The following IQGAP2 variants were observed in gnomAD, a reference collection of about 807,000 sequenced individuals.
The protein encoded by IQGAP2 is IQ motif containing GTPase activating protein 2, also known as ras GTPase-activating-like protein IQGAP2.
IQGAP2 carries 173 observed loss-of-function variants against 201.3 expected under a neutral mutation model. That is an observed-to-expected ratio of 0.86 (90% CI 0.76 to 0.98). The LOEUF is 0.98. Among genes scored for constraint, IQGAP2 ranks in the 50% least tolerant of loss-of-function variants. The probability of loss-of-function intolerance (pLI) is 0.00; values close to 1 mark genes in which losing one functional copy is unlikely to be tolerated. For missense variants in IQGAP2, 1,687 were observed against 1,864.8 expected (o/e 0.90, Z 1.76); for synonymous variants, 675 against 673.9 (o/e 1.00, Z -0.03).
At chr5:76,682,520 C>T (rs1167027330) in intron 28 of IQGAP2, among the ~76,000 whole-genome samples, 1 of 151,926 alleles carries the variant, frequency 6.6e-6, no homozygotes, top group Non-Finnish European at 1.5e-5. Flanking sequence ...GCTGCTACCC[C>T]TCAGGAGTTA....
intron 1 of IQGAP2, among the ~76,000 whole-genome samples, chr5:76,447,996 T>C (rs1452956947): frequency 6.6e-6 from 1 of 152,172 alleles, no homozygotes; most frequent in Non-Finnish European, 1.5e-5. Context: ...GGGTTTTCTA[T>C]GAAAAAGCTT....
intron 2 of IQGAP2, among the ~76,000 whole-genome samples, chr5:76,509,084 C>T (rs985872077): frequency 6.0e-5 from 9 of 150,702 alleles, no homozygotes; most frequent in South Asian, 4.2e-4. Context: ...TGCATGCTTG[C>T]GTGTGTGTGT....
chr5:76,679,456 G>A (rs1156391418), intron 28 of IQGAP2, among the ~76,000 whole-genome samples: 4 of 152,184 alleles, frequency 2.6e-5, no homozygotes, highest in Non-Finnish European at 5.9e-5. Flanking sequence ...CTTCTGTGTG[G>A]AGGCGTCCGT....
In IQGAP2 at chr5:76,549,025, C is replaced by CAAAT. The variant is rs139907225; in HGVS notation, c.147-13370_147-13369insAATA. On this transcript the variant is annotated intron_variant, in intron 2 of 35. Coordinates refer to ENST00000274364, the MANE Select transcript of IQGAP2 (RefSeq NM_006633.5). ...GCGCAAGGAAGTCTGTATGGCTAAA[C>CAAAT]AGTGCTGAACTAAACAAATACTGCT... Among the ~76,000 whole-genome samples, 840 of 152,208 alleles carry CAAAT rather than the reference C, an allele frequency of 5.5e-3. 7 individuals carry two copies. Among genetic ancestry groups the CAAAT allele is most frequent in the East Asian group, 0.018 (93 of 5,182 alleles).
At chr5:76,706,425 G>A (rs1386401642) in intron 35 of IQGAP2, among the ~76,000 whole-genome samples, 3 of 152,076 alleles carry the variant, frequency 2.0e-5, no homozygotes, top group Non-Finnish European at 4.4e-5. Flanking sequence ...TCGGCTCGCT[G>A]CAATCTCTGC....
intron 2 of IQGAP2, among the ~76,000 whole-genome samples, chr5:76,524,626 A>C (rs1186726347): frequency 6.6e-6 from 1 of 152,222 alleles, no homozygotes; most frequent in Non-Finnish European, 1.5e-5. Flanking sequence ...AAAAAACATA[A>C]GAGTTGAACA....
At chr5:76,477,566 G>A (rs1474086964) in intron 2 of IQGAP2, among the ~76,000 whole-genome samples, 1 of 152,162 alleles carries the variant, frequency 6.6e-6, no homozygotes, top group African/African-American at 2.4e-5. Context: ...AATGTGTACA[G>A]TACATAATAC....
intron 1 of IQGAP2, among the ~76,000 whole-genome samples, chr5:76,455,276 C>T (rs1455189614): frequency 3.3e-5 from 5 of 151,768 alleles, no homozygotes; most frequent in Non-Finnish European, 7.4e-5. Context: ...TGGTGAAACC[C>T]TGTCTCTACT....
At chr5:76,436,817 C>T (rs558231012) in intron 1 of IQGAP2, among the ~76,000 whole-genome samples, 18 of 151,516 alleles carry the variant, frequency 1.2e-4, no homozygotes, top group Non-Finnish European at 2.1e-4. Flanking sequence ...CATGAGCCAC[C>T]GTGCCTGGCC....
chr5:76,507,413 TAG>T (rs1757668324), intron 2 of IQGAP2, among the ~76,000 whole-genome samples: 3 of 119,168 alleles, frequency 2.5e-5, no homozygotes, highest in African/African-American at 9.8e-5. Flanking sequence ...CTAAAACTCC[TAG>T]ATATTTATTG....
chr5:76,496,754 TTTCTTTCTTTCTTTC>T (rs1561416451), intron 2 of IQGAP2, among the ~76,000 whole-genome samples: 7 of 68,724 alleles, frequency 1.0e-4, no homozygotes, highest in African/African-American at 4.8e-4. Context: ...TCTTTCTTTC[TTTCTTTCTTTCTTTC>T]TTTCTTTCTT....
chr5:76,511,160 C>T (rs1251681710), intron 2 of IQGAP2, among the ~76,000 whole-genome samples: 3 of 152,124 alleles, frequency 2.0e-5, no homozygotes, highest in East Asian at 1.9e-4. Context: ...ACCTTGGTTG[C>T]GATGGTTTAA....
At chr5:76,475,954 C>G (rs569968239) in intron 2 of IQGAP2, among the ~76,000 whole-genome samples, 1 of 151,864 alleles carries the variant, frequency 6.6e-6, no homozygotes, top group Non-Finnish European at 1.5e-5. Context: ...CCCATCTGGC[C>G]GAGGAGCCTA....
rs1482744202 is a variant in IQGAP2 at position 76,641,024 on chromosome 5, C to G, written c.2015C>G (p.Ser672Ter). Residue 672 changes from serine to a stop codon, truncating the protein, a stop_gained, in exon 17 of 36, where the codon TCA (serine) becomes TGA (stop). Coordinates refer to ENST00000274364, the MANE Select transcript of IQGAP2 (RefSeq NM_006633.5). LOFTEE classifies it high-confidence loss of function. ...CTTCTTCGCTTTCAAGCCACAAGCTCAGGACCCATCCTTAGGGAAGAGTTT... is the reference window on the plus strand; with the variant it reads ...CTTCTTCGCTTTCAAGCCACAAGCTGAGGACCCATCCTTAGGGAAGAGTTT... ...ELLLRFQATS[S>*]GPILREEFEA... 1 of 1,611,676 alleles carries G rather than the reference C, an allele frequency of 6.2e-7. No individual in the cohort carries two copies. Among genetic ancestry groups the G allele is most frequent in the Non-Finnish European group, 8.5e-7 (1 of 1,178,014 alleles).
chr5:76,496,730 TTTCTTTCTTTCTTTCTTTC>T (rs1756942941), intron 2 of IQGAP2, among the ~76,000 whole-genome samples: 556 of 48,542 alleles, frequency 0.011, 23 homozygotes, highest in Admixed American at 0.017. Context: ...CTTTCTTTTC[TTTCTTTCTTTCTTTCTTTC>T]TTTCTTTCTT....
chr5:76,494,755 A>C (rs1756782170), intron 2 of IQGAP2, among the ~76,000 whole-genome samples: 2 of 152,122 alleles, frequency 1.3e-5, no homozygotes. Context: ...TGACATACAC[A>C]TATACACTCA....
intron 2 of IQGAP2, among the ~76,000 whole-genome samples, chr5:76,524,461 G>A (rs1469073395): frequency 2.0e-5 from 3 of 152,132 alleles, no homozygotes; most frequent in Non-Finnish European, 2.9e-5. Flanking sequence ...GTACCGATCC[G>A]ATCCAGTGAT....
At chr5:76,570,482 C>T (rs78790598) in intron 3 of IQGAP2, 98 bp from the exon 4 acceptor site, 10 of 797,094 alleles carry the variant, frequency 1.3e-5, no homozygotes, top group Admixed American at 1.9e-5. Context: ...AGGAGAAATA[C>T]AATTGAAAAG....
At position 76,693,419 on chromosome 5, in the gene IQGAP2, G is replaced by A. The variant is rs192621142; in HGVS notation, c.3970G>A (p.Glu1324Lys). 71 of 1,612,954 alleles carry A rather than the reference G, an allele frequency of 4.4e-5. 1 individual carries two copies. The East Asian group carries it at 1.5e-3, about 34-fold the overall frequency. ...QPGNTLTEIL[E>K]TPATAQQEVD... The stretch of plus-strand genomic sequence containing the variant: ...AGGGAACACATTGACAGAAATCTTA[G>A]AGACACCAGCAACTGCGCAACAGGT... Residue 1324 changes from glutamate to lysine, a missense_variant, in exon 31 of 36, where the codon GAG (glutamate) becomes AAG (lysine). Transcript: ENST00000274364.
Sources: allele counts gnomAD v4.1 joint callset (sites outside exome capture counted in the v4.1 genomes callset), GRCh38; gene constraint gnomAD v4.1.1; transcripts MANE v1.5; gene names NCBI Gene and HGNC (gene_info 2026-07-23, HGNC 2026-07-21).